The following GLT8D2 variants were observed in gnomAD, a reference collection of about 807,000 sequenced individuals.
GLT8D2 encodes the protein glycosyltransferase 8 domain containing 2.
In GLT8D2, 45 loss-of-function variants were observed where a neutral mutation model predicts 44.5. That is an observed-to-expected ratio of 1.01 (90% CI 0.80 to 1.30). The LOEUF (loss-of-function observed/expected upper bound fraction) is 1.30, where lower values mean the gene tolerates loss of function less well. Among genes scored for constraint, GLT8D2 ranks in the 50% most tolerant of loss-of-function variants. The pLI is 0.00. For synonymous variants in GLT8D2, 156 were observed against 157.2 expected, an observed-to-expected ratio of 0.99 and a Z score of 0.06; for missense variants, 400 against 430.4, an observed-to-expected ratio of 0.93 and a Z score of 0.62.
chr12:104,016,846 GA>G (rs1372916353), intron 3 of GLT8D2, among the ~76,000 whole-genome samples: 1 of 147,582 alleles, frequency 6.8e-6, no homozygotes, highest in African/African-American at 2.5e-5. Context: ...AAGAAAGAAA[GA>G]AAGAAAGAAA....
chr12:104,021,988 A>G (rs1384356526), intron 1 of GLT8D2, among the ~76,000 whole-genome samples: 1 of 52,604 alleles, frequency 1.9e-5, no homozygotes, highest in Non-Finnish European at 3.8e-5. Flanking sequence ...GAAGAGGAAG[A>G]AGAAGAAGAA....
intron 3 of GLT8D2, among the ~76,000 whole-genome samples, chr12:104,019,021 G>C (rs1029159635): frequency 4.0e-5 from 6 of 151,108 alleles, no homozygotes; most frequent in Admixed American, 6.6e-5. Flanking sequence ...AATTAGCTAT[G>C]AACATGAATA....
intron 9 of GLT8D2, 126 bp downstream of exon 9, chr12:103,994,209 C>T (rs1208682385): frequency 1.6e-5 from 13 of 799,058 alleles, no homozygotes; most frequent in Non-Finnish European, 2.4e-5. Context: ...CTTAACATTG[C>T]CTCTGTAAGA....
At chr12:103,994,300 A>G in intron 9 of GLT8D2, 35 bp downstream of exon 9, 1 of 1,559,402 alleles carries the variant, frequency 6.4e-7, no homozygotes, top group South Asian at 1.2e-5. Context: ...TTTGTTTCCA[A>G]GCATGGAAAA....
At chr12:104,059,337 A>G (rs1034669503) in intron 1 of GLT8D2, among the ~76,000 whole-genome samples, 4 of 152,144 alleles carry the variant, frequency 2.6e-5, no homozygotes, top group South Asian at 2.1e-4. Context: ...TACTTGCCCT[A>G]TGGGATGTAA....
chr12:104,027,976 T>C (rs938594753), intron 1 of GLT8D2, among the ~76,000 whole-genome samples: 1 of 152,200 alleles, frequency 6.6e-6, no homozygotes, highest in African/African-American at 2.4e-5. Flanking sequence ...AGCTCTTTCC[T>C]GAGTGCTCGG....
chr12:104,019,399 A>T (rs923808742), intron 3 of GLT8D2, among the ~76,000 whole-genome samples: 14 of 152,116 alleles, frequency 9.2e-5, no homozygotes, highest in Non-Finnish European at 1.8e-4. Context: ...AAGTGCTAGG[A>T]TTACAGGCGT....
intron 3 of GLT8D2, among the ~76,000 whole-genome samples, chr12:104,015,393 AACACACACACACACAC>A (rs55732553): frequency 4.0e-5 from 5 of 126,184 alleles, no homozygotes; most frequent in South Asian, 5.4e-4. Context: ...AACAACAACA[AACACACACACACACAC>A]ACACACACAC....
intron 1 of GLT8D2, among the ~76,000 whole-genome samples, chr12:104,060,827 G>A (rs1014704360): frequency 2.0e-5 from 3 of 152,162 alleles, no homozygotes; most frequent in South Asian, 2.1e-4. Context: ...AAAAGCTGAG[G>A]TGGGAGGATC....
chr12:104,045,137 A>G (rs1880945355), intron 1 of GLT8D2, among the ~76,000 whole-genome samples: 1 of 152,214 alleles, frequency 6.6e-6, no homozygotes. Context: ...GGAGAGAGAA[A>G]GAAAAGGCGA....
upstream of GLT8D2, among the ~76,000 whole-genome samples, chr12:104,054,623 G>A (rs1338536876): frequency 6.6e-6 from 1 of 151,994 alleles, no homozygotes. Context: ...GATTTCATAT[G>A]GACAGCAAAA....
rs1319239798 is a variant in GLT8D2, at chr12:104,031,548, C to T, written c.-163-10057G>A. Reference sequence around the variant, plus strand: ...CAGGGCAAGGCCAAGAAGTGAAGGCCGGCGGGGAAGATACTGTCCCCAGGA... The same window carrying T: ...CAGGGCAAGGCCAAGAAGTGAAGGCTGGCGGGGAAGATACTGTCCCCAGGA... On this transcript the variant is annotated intron_variant, in intron 1 of 10. Coordinates refer to ENST00000360814, the MANE Select transcript of GLT8D2 (RefSeq NM_001384711.1). 23 of 1,611,070 alleles carry T rather than the reference C, an allele frequency of 1.4e-5. 1 individual carries two copies. The African/African-American group carries it at 1.6e-4, about 11-fold the overall frequency.
chr12:104,059,810 C>A (rs1488822763), intron 1 of GLT8D2, among the ~76,000 whole-genome samples: 1 of 152,146 alleles, frequency 6.6e-6, no homozygotes, highest in Non-Finnish European at 1.5e-5. Flanking sequence ...CTCTTCCGAC[C>A]TTTTGTTTGC....
At chr12:104,017,003 T>A (rs1876964506) in intron 3 of GLT8D2, among the ~76,000 whole-genome samples, 1 of 152,194 alleles carries the variant, frequency 6.6e-6, no homozygotes, top group African/African-American at 2.4e-5. Flanking sequence ...GCCCTTGAGA[T>A]CTGTTGAGAA....
At chr12:104,026,142 G>C (rs1287187573) in intron 1 of GLT8D2, among the ~76,000 whole-genome samples, 2 of 151,858 alleles carry the variant, frequency 1.3e-5, no homozygotes, top group East Asian at 3.9e-4. Context: ...GGCTGGACGT[G>C]GTGGGCCACA....
upstream of GLT8D2, among the ~76,000 whole-genome samples, chr12:104,052,392 C>T (rs1445631994): frequency 6.6e-6 from 1 of 152,140 alleles, no homozygotes; most frequent in East Asian, 1.9e-4. Flanking sequence ...TGTTATTTGC[C>T]CCAATTTACA....
At chr12:104,044,861 GAATA>G (rs1426653792) in intron 1 of GLT8D2, among the ~76,000 whole-genome samples, 8 of 152,144 alleles carry the variant, frequency 5.3e-5, no homozygotes, top group Admixed American at 5.2e-4. Context: ...AAAGTCTGAA[GAATA>G]AATACTCATA....
rs1161747666 is a variant in GLT8D2, at chr12:103,993,565, C to T, written c.768-61G>A. Reference sequence around the variant, plus strand: ...GAGCCCCCACAAACTCAGATAAAGTCGAATCTGATATTGTAAATGATGTAA... The same window carrying T: ...GAGCCCCCACAAACTCAGATAAAGTTGAATCTGATATTGTAAATGATGTAA... On this transcript the variant is annotated intron_variant, in intron 9 of 10. Coordinates refer to ENST00000360814, the MANE Select transcript of GLT8D2 (RefSeq NM_001384711.1). 1.5e-5 allele frequency: 15 copies of T among 1,027,506 alleles called. No homozygotes were observed. The East Asian group carries it at 2.2e-4, about 15-fold the overall frequency. The allele number at this position is 1,027,506 out of a possible 1,614,324, so 63.6% of individuals were successfully genotyped here. A position where few individuals can be genotyped will look rare whatever the true frequency, so the allele number is the denominator to read the frequency against.
chr12:104,040,850 A>G (rs1419285172), intron 1 of GLT8D2, among the ~76,000 whole-genome samples: 1 of 152,222 alleles, frequency 6.6e-6, no homozygotes, highest in Non-Finnish European at 1.5e-5. Flanking sequence ...TCAGAGTTCT[A>G]CTGAATGTGA....
Sources: gnomAD v4.1 joint callset for allele counts (sites outside exome capture counted in the v4.1 genomes callset) on GRCh38, gnomAD v4.1.1 for gene constraint, MANE v1.5 for transcripts, NCBI Gene and HGNC (gene_info 2026-07-23, HGNC 2026-07-21) for gene names.